CAPZB: variants seen among roughly 807,000 people sequenced by gnomAD.
The protein encoded by CAPZB is capping actin protein of muscle Z-line subunit beta.
CAPZB carries 2 observed loss-of-function variants against 38.1 expected under a neutral mutation model. The ratio of observed to expected loss-of-function variants is 0.05; its 90% CI spans 0.02 to 0.17. The LOEUF is 0.17. Ranked by LOEUF, CAPZB falls within the 10% of genes least tolerant of loss-of-function variation. The pLI, the probability that CAPZB is intolerant of heterozygous loss-of-function variation, is 1.00. For synonymous variants in CAPZB, 107 were observed against 127.4 expected (o/e 0.84, Z 1.08); for missense variants, 161 against 334.2 (o/e 0.48, Z 4.04).
chr1:19,437,257 G>A (rs1172251291), intron 1 of CAPZB, among the ~76,000 whole-genome samples: 1 of 152,198 alleles, frequency 6.6e-6, no homozygotes, highest in Non-Finnish European at 1.5e-5. Context: ...TATATGAAAT[G>A]TCACAAGTCC....
intron 4 of CAPZB, among the ~76,000 whole-genome samples, chr1:19,362,809 C>A (rs1217602753): frequency 1.3e-5 from 2 of 152,172 alleles, no homozygotes; most frequent in African/African-American, 4.8e-5. Context: ...CAAATCAGAG[C>A]TCCCCAGTGG....
At chr1:19,415,740 T>C (rs1317309984) in intron 2 of CAPZB, among the ~76,000 whole-genome samples, 4 of 152,240 alleles carry the variant, frequency 2.6e-5, no homozygotes, top group Admixed American at 2.6e-4. Context: ...GTTTTCGCCA[T>C]GTTGGCCAGG....
intron 1 of CAPZB, among the ~76,000 whole-genome samples, chr1:19,439,328 T>C (rs2094468210): frequency 1.3e-5 from 2 of 152,274 alleles, no homozygotes; most frequent in Admixed American, 6.5e-5. Context: ...CATACCCATG[T>C]ACATTTGTAC....
intron 1 of CAPZB, among the ~76,000 whole-genome samples, chr1:19,465,762 T>TG (rs1170676160): frequency 1.1e-4 from 16 of 152,236 alleles, no homozygotes; most frequent in African/African-American, 3.4e-4. Flanking sequence ...CCTCCTGTCC[T>TG]GGGCCTCTGG....
rs1053560707 is a variant in CAPZB, at chr1:19,349,850, C to G, written c.589-4598G>C. On this transcript the variant is annotated intron_variant, in intron 6 of 8. Transcript: ENST00000264202. ...GCACCCGGCCGTATTTCCACAGCCC[C>G]CTTGCCCGCCCCTGCTCACTCCCCT... 2.0e-4 allele frequency among the ~76,000 whole-genome samples: 30 copies of G among 152,286 alleles called. No individual in the cohort carries two copies. In the East Asian group the frequency reaches 3.5e-3, roughly 18 times the overall value.
rs563611915 is a variant in CAPZB at position 19,454,186 on chromosome 1, C to T, written c.3+31250G>A. Reference sequence around the variant, plus strand: ...TCAAGGAAGCCTTGGCTAGAAAACCCTACAATAAAAGGCAGGCAAGACTGG... The same window carrying T: ...TCAAGGAAGCCTTGGCTAGAAAACCTTACAATAAAAGGCAGGCAAGACTGG... On this transcript the variant is annotated intron_variant, in intron 1 of 8. Coordinates refer to ENST00000264202, the MANE Select transcript of CAPZB (RefSeq NM_004930.5). 3.3e-5 allele frequency among the ~76,000 whole-genome samples: 5 copies of T among 152,280 alleles called. No individual in the cohort carries two copies. The East Asian group carries it at 9.6e-4, about 29-fold the overall frequency.
chr1:19,400,925 C>T (rs2094300154), intron 2 of CAPZB, among the ~76,000 whole-genome samples: 1 of 152,200 alleles, frequency 6.6e-6, no homozygotes. Flanking sequence ...AGATTCCTCG[C>T]TAACATACTT....
chr1:19,483,734 G>A (rs1253003435), intron 1 of CAPZB, among the ~76,000 whole-genome samples: 1 of 152,218 alleles, frequency 6.6e-6, no homozygotes, highest in Admixed American at 6.5e-5. Flanking sequence ...TCTCCATCAA[G>A]GCCTGGGGCC....
At chr1:19,407,730 G>A (rs2094338891) in intron 2 of CAPZB, among the ~76,000 whole-genome samples, 1 of 152,130 alleles carries the variant, frequency 6.6e-6, no homozygotes. Context: ...ATCCAGCCAC[G>A]CTCTTGTCTA....
intron 8 of CAPZB, among the ~76,000 whole-genome samples, chr1:19,340,292 T>C (rs2093920834): frequency 1.3e-5 from 2 of 152,160 alleles, no homozygotes; most frequent in Admixed American, 1.3e-4. Flanking sequence ...GCTGTTAACT[T>C]GGCCCAGAAA....
At position 19,430,345 on chromosome 1, in the gene CAPZB, C is replaced by T. The variant is rs185870933; in HGVS notation, c.4-10595G>A. 1.6e-4 allele frequency among the ~76,000 whole-genome samples: 25 copies of T among 152,270 alleles called. No individual in the cohort carries two copies. The East Asian group carries it at 1.7e-3, about 11-fold the overall frequency. On this transcript the variant is annotated intron_variant, in intron 1 of 8. Transcript: ENST00000264202. ...ACATCCCTCCAGGAAGTGAAATATC[C>T]GAAATGAGTCATACTCAGGAGTCGG...
intron 4 of CAPZB, among the ~76,000 whole-genome samples, chr1:19,373,029 T>A (rs1455349443): frequency 6.6e-6 from 1 of 152,086 alleles, no homozygotes; most frequent in South Asian, 2.1e-4. Context: ...GCTCTTTTCA[T>A]CTAAAAACAA....
chr1:19,471,513 G>A (rs4912100), intron 1 of CAPZB, among the ~76,000 whole-genome samples: 88,126 of 151,806 alleles, frequency 0.58, 25,851 homozygotes, highest in African/African-American at 0.65. Context: ...AATCAGTCAC[G>A]TGATGGGAGG....
At chr1:19,442,060 G>GC (rs1558265281) in intron 1 of CAPZB, among the ~76,000 whole-genome samples, 1 of 137,874 alleles carries the variant, frequency 7.3e-6, no homozygotes, top group Admixed American at 7.4e-5. Context: ...CCCTTAAAAA[G>GC]CATCAGTGAT....
intron 4 of CAPZB, among the ~76,000 whole-genome samples, chr1:19,363,093 G>GT (rs150135796): frequency 0.027 from 4,089 of 151,906 alleles, 70 homozygotes; most frequent in Non-Finnish European, 0.045. Flanking sequence ...ATCTTGTTTT[G>GT]TTTTTTGAGA....
intron 1 of CAPZB, 54 bp downstream of exon 1, chr1:19,485,382 G>A: frequency 5.1e-6 from 6 of 1,174,778 alleles, no homozygotes; most frequent in Non-Finnish European, 6.4e-6. Flanking sequence ...GGGGGAGGGG[G>A]ACGCGAGCTC....
At chr1:19,470,382 C>G (rs1312257079) in intron 1 of CAPZB, among the ~76,000 whole-genome samples, 3 of 152,200 alleles carry the variant, frequency 2.0e-5, no homozygotes, top group Admixed American at 1.3e-4. Flanking sequence ...GAATCTGGAC[C>G]TTTCCTTAGA....
At chr1:19,448,835 T>C (rs780866586) in intron 1 of CAPZB, 1 of 1,612,878 alleles carries the variant, frequency 6.2e-7, no homozygotes, top group Admixed American at 1.7e-5. Flanking sequence ...GCGTGTCACC[T>C]TTCTAGGTTC....
intron 4 of CAPZB, among the ~76,000 whole-genome samples, chr1:19,371,191 C>A (rs1363142067): frequency 6.6e-6 from 1 of 152,230 alleles, no homozygotes; most frequent in Non-Finnish European, 1.5e-5. Flanking sequence ...GGAGGCCTTG[C>A]TGTGGGAGGT....
Sources: allele counts gnomAD v4.1 joint callset (sites outside exome capture counted in the v4.1 genomes callset), GRCh38; gene constraint gnomAD v4.1.1; transcripts MANE v1.5; gene names NCBI Gene and HGNC (gene_info 2026-07-23, HGNC 2026-07-21).